The following SH2D4B variants were observed in gnomAD, a reference collection of about 807,000 sequenced individuals.
The protein encoded by SH2D4B is SH2 domain-containing protein 4B.
SH2D4B carries 45 observed loss-of-function variants against 61.5 expected under a neutral mutation model. The observed-to-expected ratio is 0.73, with a 90% CI of 0.58 to 0.94. The LOEUF is 0.94. Ranked by LOEUF, SH2D4B falls within the 40% of genes least tolerant of loss-of-function variation. SH2D4B has a pLI of 0.00. For synonymous variants in SH2D4B, 224 were observed against 220.4 expected (o/e 1.02, Z -0.14); for missense variants, 572 against 574.2 (o/e 1.00, Z 0.04).
chr10:80,589,319 A>G (rs1003359511), intron 4 of SH2D4B, among the ~76,000 whole-genome samples: 8 of 152,304 alleles, frequency 5.3e-5, no homozygotes, highest in Non-Finnish European at 1.2e-4. Context: ...TATTTCTTGT[A>G]TTAAAAAAAT....
intron 6 of SH2D4B, among the ~76,000 whole-genome samples, chr10:80,632,109 T>G (rs1198376028): frequency 6.6e-6 from 1 of 151,852 alleles, no homozygotes; most frequent in African/African-American, 2.4e-5. Flanking sequence ...AATTTTTTTG[T>G]GGAGATAGTT....
chr10:80,543,870 A>C (rs12771381), intron 1 of SH2D4B, among the ~76,000 whole-genome samples: 7,888 of 85,090 alleles, frequency 0.093, no homozygotes, highest in African/African-American at 0.25. Context: ...ACCTTTGTGT[A>C]GACACTCTGT....
At chr10:80,562,711 G>C (rs1236096137) in intron 1 of SH2D4B, among the ~76,000 whole-genome samples, 1 of 151,744 alleles carries the variant, frequency 6.6e-6, no homozygotes, top group Admixed American at 6.6e-5. Flanking sequence ...ACTATTTTCC[G>C]CAATAGCTGT....
At chr10:80,624,985 T>A (rs1227139850) in intron 6 of SH2D4B, among the ~76,000 whole-genome samples, 2 of 152,208 alleles carry the variant, frequency 1.3e-5, no homozygotes, top group Non-Finnish European at 2.9e-5. Context: ...CCTGTGTGCT[T>A]CTCTCCATTG....
chr10:80,558,883 C>A (rs1453692202), intron 1 of SH2D4B, among the ~76,000 whole-genome samples: 1 of 152,158 alleles, frequency 6.6e-6, no homozygotes, highest in African/African-American at 2.4e-5. Flanking sequence ...GTTGCTTGTA[C>A]TTTTGCTGTC....
intron 3 of SH2D4B, among the ~76,000 whole-genome samples, chr10:80,577,085 A>G (rs944505379): frequency 1.3e-5 from 2 of 152,198 alleles, no homozygotes; most frequent in Non-Finnish European, 2.9e-5. Flanking sequence ...CTTTTGAGGA[A>G]AGACTATAAC....
At chr10:80,616,736 G>A (rs6586110) in intron 6 of SH2D4B, among the ~76,000 whole-genome samples, 83,099 of 152,012 alleles carry the variant, frequency 0.55, 24,669 homozygotes, top group African/African-American at 0.77. Flanking sequence ...CTGTGGGATT[G>A]TATTGGCTTT....
At chr10:80,553,811 C>T (rs1369343046) in intron 1 of SH2D4B, among the ~76,000 whole-genome samples, 1 of 152,226 alleles carries the variant, frequency 6.6e-6, no homozygotes, top group Non-Finnish European at 1.5e-5. Context: ...CCACAGAGTG[C>T]TGGACTTTTG....
At chr10:80,620,341 G>A (rs961989086) in intron 6 of SH2D4B, among the ~76,000 whole-genome samples, 1 of 152,094 alleles carries the variant, frequency 6.6e-6, no homozygotes, top group Non-Finnish European at 1.5e-5. Context: ...AGATGTGCTC[G>A]CTTCCCCTTC....
chr10:80,622,722 C>T (rs983614425), intron 6 of SH2D4B, among the ~76,000 whole-genome samples: 11 of 152,220 alleles, frequency 7.2e-5, no homozygotes, highest in African/African-American at 2.7e-4. Context: ...CTCCTGCTTT[C>T]CAGTGAATTC....
intron 1 of SH2D4B, chr10:80,540,671 C>T: frequency 1.5e-6 from 1 of 676,654 alleles, no homozygotes; most frequent in Middle Eastern, 4.2e-4. Context: ...CACACATTCA[C>T]TTGTTCACTC....
At chr10:80,632,088 A>G (rs922248849) in intron 6 of SH2D4B, among the ~76,000 whole-genome samples, 7 of 151,844 alleles carry the variant, frequency 4.6e-5, no homozygotes, top group Non-Finnish European at 8.8e-5. Context: ...CTTCATGCCC[A>G]AGTTATTTTT....
intron 1 of SH2D4B, among the ~76,000 whole-genome samples, chr10:80,541,441 T>TA: frequency 6.6e-6 from 1 of 152,332 alleles, no homozygotes; most frequent in South Asian, 2.1e-4. Flanking sequence ...ACATTTTTTT[T>TA]CTGAAGGAAG....
Position 80,538,370 on chromosome 10 carries a change from C to T in SH2D4B, c.39C>T (p.Pro13=), listed in dbSNP as rs1034057076. ...QQILHDMYID[P]ELLAELSDVQ... is the part of the protein sequence containing the mutation. ...TCCTGCACGACATGTACATCGACCC[C>T]GAGCTCCTTGCCGAGCTCAGCGATG... Residue 13 remains proline (P), a synonymous_variant, in exon 1 of 8, where the codon CCC becomes CCT. Coordinates refer to ENST00000646907, the MANE Select transcript of SH2D4B (RefSeq NM_001388272.1). This position sits in a 1 kb window ranked among gnomAD's most constrained non-coding sequence, Gnocchi z 4.8. 29 of 1,406,782 alleles carry T rather than the reference C, an allele frequency of 2.1e-5. No individual in the cohort carries two copies. The highest frequency in any genetic ancestry group is 8.2e-5 in the South Asian group (5 of 60,786). The allele number at this position is 1,406,782 out of a possible 1,614,324, so 87.1% of individuals were successfully genotyped here.
intron 5 of SH2D4B, among the ~76,000 whole-genome samples, chr10:80,608,329 T>C (rs1040300654): frequency 2.0e-5 from 3 of 151,898 alleles, no homozygotes; most frequent in Non-Finnish European, 4.4e-5. Flanking sequence ...AGAGTTTAGA[T>C]GAGGGAGCAG....
intron 1 of SH2D4B, among the ~76,000 whole-genome samples, chr10:80,541,920 T>G (rs1387420759): frequency 6.6e-6 from 1 of 152,226 alleles, no homozygotes; most frequent in African/African-American, 2.4e-5. Flanking sequence ...ACATCACTCC[T>G]CTGAGCACAT....
chr10:80,610,287 G>A (rs1472214677), intron 6 of SH2D4B, among the ~76,000 whole-genome samples: 1 of 152,140 alleles, frequency 6.6e-6, no homozygotes, highest in East Asian at 1.9e-4. Flanking sequence ...CCTGGACAGA[G>A]TGTGCCCAGT....
chr10:80,637,221 G>A (rs1013297969), intron 7 of SH2D4B, among the ~76,000 whole-genome samples: 3 of 152,184 alleles, frequency 2.0e-5, no homozygotes, highest in African/African-American at 4.8e-5. Flanking sequence ...GTCAGGTAGT[G>A]TGATGCCTCC....
chr10:80,574,794 A>T (rs1269703036), intron 3 of SH2D4B, among the ~76,000 whole-genome samples: 3 of 152,046 alleles, frequency 2.0e-5, no homozygotes, highest in African/African-American at 7.2e-5. Context: ...TCCACCTCCC[A>T]GGTTCAAGTG....
Sources: allele counts gnomAD v4.1 joint callset (sites outside exome capture counted in the v4.1 genomes callset), GRCh38; gene constraint gnomAD v4.1.1; non-coding constraint Gnocchi (gnomAD v3.1); transcripts MANE v1.5; gene names NCBI Gene and HGNC (gene_info 2026-07-23, HGNC 2026-07-21).